KCTD8: variants seen among roughly 807,000 people sequenced by gnomAD.
The protein encoded by KCTD8 is BTB/POZ domain-containing protein KCTD8.
KCTD8 carries 27 observed loss-of-function variants against 31.5 expected under a neutral mutation model. The ratio of observed to expected loss-of-function variants is 0.86; its 90% CI spans 0.63 to 1.18. KCTD8 has a LOEUF of 1.18. Among genes scored for constraint, KCTD8 ranks in the 50% most tolerant of loss-of-function variants. The pLI, the probability that KCTD8 is intolerant of heterozygous loss-of-function variation, is 0.00. For synonymous variants in KCTD8, 290 were observed against 280.0 expected (o/e 1.04, Z -0.36); for missense variants, 658 against 647.7 (o/e 1.02, Z -0.17).
At chr4:44,437,518 G>A (rs186561337) in intron 1 of KCTD8, among the ~76,000 whole-genome samples, 3 of 152,176 alleles carry the variant, frequency 2.0e-5, no homozygotes, top group Admixed American at 2.0e-4. Context: ...ATTTCCCTCA[G>A]TTTGATAGTT....
intron 1 of KCTD8, among the ~76,000 whole-genome samples, chr4:44,431,874 CA>C (rs2109478119): frequency 6.6e-6 from 1 of 151,486 alleles, no homozygotes; most frequent in East Asian, 1.9e-4. Context: ...GGCTGTTGGT[CA>C]AAAAAGTGGC....
intron 1 of KCTD8, among the ~76,000 whole-genome samples, chr4:44,352,048 C>A (rs1382992279): frequency 6.6e-6 from 1 of 152,008 alleles, no homozygotes; most frequent in Non-Finnish European, 1.5e-5. Flanking sequence ...TCTTACCTGG[C>A]CACTACTGTG....
intron 1 of KCTD8, among the ~76,000 whole-genome samples, chr4:44,374,255 G>A (rs914434195): frequency 6.6e-6 from 1 of 152,124 alleles, no homozygotes; most frequent in Non-Finnish European, 1.5e-5. Flanking sequence ...AAGCTGCAGA[G>A]GAGAGAACAG....
intron 1 of KCTD8, among the ~76,000 whole-genome samples, chr4:44,428,218 A>G (rs1361248532): frequency 6.6e-6 from 1 of 151,794 alleles, no homozygotes. Context: ...TACATGTTTG[A>G]ATTTAAGATA....
intron 1 of KCTD8, among the ~76,000 whole-genome samples, chr4:44,415,962 G>A (rs1721070926): frequency 6.6e-6 from 1 of 152,176 alleles, no homozygotes; most frequent in Non-Finnish European, 1.5e-5. Flanking sequence ...AGTAGCCATA[G>A]ATAGCTTGCA....
rs557075267 is a variant in KCTD8, at chr4:44,193,222, G to A, written c.962-17972C>T. On this transcript the variant is annotated intron_variant, in intron 1 of 1. Coordinates refer to ENST00000360029, the MANE Select transcript of KCTD8 (RefSeq NM_198353.3). ...ATATTTATTGAATACTTATGGATCA[G>A]GTACCATGCTTTATACATAGCATCT... is the stretch of plus-strand genomic sequence containing the variant. Among the ~76,000 whole-genome samples, 7 of 152,048 alleles carry A rather than the reference G, an allele frequency of 4.6e-5. 1 individual carries two copies. In the South Asian group the frequency reaches 1.5e-3, roughly 32 times the overall value.
rs1039351218 is a variant in KCTD8, at chr4:44,174,102, C to T, written c.*688G>A. On this transcript the variant is annotated 3_prime_UTR_variant, in exon 2 of 2. Coordinates refer to ENST00000360029, the MANE Select transcript of KCTD8 (RefSeq NM_198353.3). ...TGATGCCATAAATAACAGTATAAGG[C>T]ATATTTACACCATCTTAATATACAT... The T allele has an allele frequency of 1.3e-5, 2 of 152,082 alleles. No individual in the cohort carries two copies. Among genetic ancestry groups the T allele is most frequent in the African/African-American group, 4.8e-5 (2 of 41,402 alleles). 9.4% of individuals were successfully genotyped at this position (152,082 alleles called of 1,614,324 possible).
chr4:44,361,000 T>TGA (rs1291820207), intron 1 of KCTD8, among the ~76,000 whole-genome samples: 2 of 152,042 alleles, frequency 1.3e-5, no homozygotes. Flanking sequence ...AGAATTTCCC[T>TGA]GAGAGCCATC....
chr4:44,213,179 G>A (rs1294339440), intron 1 of KCTD8, among the ~76,000 whole-genome samples: 1 of 151,966 alleles, frequency 6.6e-6, no homozygotes, highest in Non-Finnish European at 1.5e-5. Context: ...CTCGTGATCC[G>A]CCTGCCTCGG....
intron 1 of KCTD8, among the ~76,000 whole-genome samples, chr4:44,201,702 A>G (rs538263014): frequency 6.6e-6 from 1 of 152,148 alleles, no homozygotes; most frequent in Non-Finnish European, 1.5e-5. Context: ...AAATCTTAGA[A>G]GATAACCTAG....
At chr4:44,365,853 T>C (rs959506586) in intron 1 of KCTD8, among the ~76,000 whole-genome samples, 3 of 152,068 alleles carry the variant, frequency 2.0e-5, no homozygotes, top group Admixed American at 6.6e-5. Context: ...TTGGGAAAAA[T>C]TGGAAGTAAC....
rs1004466695 is a variant in KCTD8, at chr4:44,270,359, C to T, written c.962-95109G>A. On this transcript the variant is annotated intron_variant, in intron 1 of 1. Transcript: ENST00000360029. ...TGAACAATGAGAACACATGGACACACGAAGGGGAACATCATACTCTGGGGA... is the reference window on the plus strand; with the variant it reads ...TGAACAATGAGAACACATGGACACATGAAGGGGAACATCATACTCTGGGGA... Among the ~76,000 whole-genome samples the T allele has an allele frequency of 9.8e-4, 120 of 122,814 alleles. 2 individuals carry two copies. Among genetic ancestry groups the T allele is most frequent in the Admixed American group, 9.6e-3 (83 of 8,654 alleles). The allele number at this position is 122,814 out of a possible 152,430, so 80.6% of individuals were successfully genotyped here.
chr4:44,200,126 G>A (rs572981342), intron 1 of KCTD8, among the ~76,000 whole-genome samples: 10 of 151,400 alleles, frequency 6.6e-5, no homozygotes, highest in Middle Eastern at 3.4e-3. Flanking sequence ...AAACCTGAAC[G>A]GATTGATAAC....
chr4:44,293,903 T>C (rs1392798936), intron 1 of KCTD8: 7 of 394,894 alleles, frequency 1.8e-5, no homozygotes, highest in Non-Finnish European at 5.1e-6. Flanking sequence ...GAGAATGAGA[T>C]AATTCCATTT....
chr4:44,400,715 T>A (rs1720627358), intron 1 of KCTD8, among the ~76,000 whole-genome samples: 1 of 124,204 alleles, frequency 8.1e-6, no homozygotes, highest in African/African-American at 3.1e-5. Flanking sequence ...GGGGACAGAA[T>A]GAGACTCTGT....
At chr4:44,285,472 G>A (rs1428613233) in intron 1 of KCTD8, among the ~76,000 whole-genome samples, 1 of 152,038 alleles carries the variant, frequency 6.6e-6, no homozygotes, top group Non-Finnish European at 1.5e-5. Context: ...GGGCCTGTAG[G>A]GGGTCGGGGT....
rs890200778 is a variant in KCTD8 at position 44,174,567 on chromosome 4, C to A, written c.*223G>T. On this transcript the variant is annotated 3_prime_UTR_variant, in exon 2 of 2. Coordinates refer to ENST00000360029, the MANE Select transcript of KCTD8 (RefSeq NM_198353.3). Reference sequence around the variant, plus strand: ...TGTAAAATGGTTTGAATCAGATATTCCATTTTGATTTAACACTTATTGATT... The same window carrying A: ...TGTAAAATGGTTTGAATCAGATATTACATTTTGATTTAACACTTATTGATT... 2.2e-4 allele frequency: 95 copies of A among 427,682 alleles called. No homozygotes were observed. The highest frequency in any genetic ancestry group is 6.1e-4 in the Middle Eastern group (1 of 1,640). The allele number at this position is 427,682 out of a possible 1,614,324, so 26.5% of individuals were successfully genotyped here.
rs1047093237 is a variant in KCTD8 at position 44,448,511 on chromosome 4, C to T, written c.13G>A (p.Asp5Asn). The change falls in exon 1 of 2, where the codon GAC (aspartate) becomes AAC (asparagine). Residue 5 changes from aspartate (D) to asparagine (N), a missense_variant. Transcript: ENST00000360029. This position sits in a 1 kb window ranked among gnomAD's most constrained non-coding sequence, Gnocchi z 4.1. Reference protein sequence around the residue: MALKDTGSGGSTILP... With the variant: MALKNTGSGGSTILP... ...ATGGTGCTGCCGCCGCTGCCCGTGT[C>T]CTTCAGAGCCATAGTCCCCCCGCCG... 1.3e-6 allele frequency: 2 copies of T among 1,482,142 alleles called. No individual in the cohort carries two copies. The highest frequency in any genetic ancestry group is 1.8e-6 in the Non-Finnish European group (2 of 1,120,480). The allele number at this position is 1,482,142 out of a possible 1,614,324, so 91.8% of individuals were successfully genotyped here. A position where few individuals can be genotyped will look rare whatever the true frequency, so the allele number is the denominator to read the frequency against.
At chr4:44,380,426 A>G (rs1211594016) in intron 1 of KCTD8, among the ~76,000 whole-genome samples, 4 of 151,860 alleles carry the variant, frequency 2.6e-5, no homozygotes, top group Non-Finnish European at 5.9e-5. Context: ...TCAAAAAAAA[A>G]AAAAAATCAG....
Sources: allele counts gnomAD v4.1 joint callset (sites outside exome capture counted in the v4.1 genomes callset), GRCh38; gene constraint gnomAD v4.1.1; non-coding constraint Gnocchi (gnomAD v3.1); transcripts MANE v1.5; gene names NCBI Gene and HGNC (gene_info 2026-07-23, HGNC 2026-07-21).